The following UBE3C variants were observed in gnomAD, a reference collection of about 807,000 sequenced individuals.
The protein encoded by UBE3C is ubiquitin-protein ligase E3C.
A neutral mutation model predicts 129.4 loss-of-function variants in UBE3C; 42 were observed. The ratio of observed to expected loss-of-function variants is 0.32; its 90% CI spans 0.25 to 0.42. The LOEUF is 0.42. Among genes scored for constraint, UBE3C ranks in the 10% least tolerant of loss-of-function variants. The pLI, the probability that UBE3C is intolerant of heterozygous loss-of-function variation, is 1.00. For synonymous variants in UBE3C, 510 were observed against 492.4 expected, an observed-to-expected ratio of 1.04 and a Z score of -0.47; for missense variants, 1,049 against 1,319.1, an observed-to-expected ratio of 0.80 and a Z score of 3.17.
At chr7:157,146,512 C>T (rs912465356) in intron 1 of UBE3C, among the ~76,000 whole-genome samples, 2 of 152,122 alleles carry the variant, frequency 1.3e-5, no homozygotes, top group African/African-American at 2.4e-5. Context: ...TGAGCCCCTG[C>T]GTCCGGCCTT....
At chr7:157,256,711 T>G (rs1261324441) in intron 21 of UBE3C, 130 of 538,612 alleles carry the variant, frequency 2.4e-4, no homozygotes, top group Middle Eastern at 9.9e-4. Context: ...AGCCTCGGCA[T>G]GAGATGGGAT....
chr7:157,187,952 A>G (rs1455119780), intron 10 of UBE3C, among the ~76,000 whole-genome samples: 1 of 152,200 alleles, frequency 6.6e-6, no homozygotes, highest in Non-Finnish European at 1.5e-5. Context: ...AGCCTTTGAA[A>G]TAAACTTTTG....
intron 14 of UBE3C, among the ~76,000 whole-genome samples, 186 bp from the exon 15 acceptor site, chr7:157,220,503 G>T (rs997617731): frequency 9.2e-5 from 14 of 152,212 alleles, no homozygotes; most frequent in Non-Finnish European, 1.9e-4. Flanking sequence ...GTAAAAGTAT[G>T]AAAGGACAGC....
At chr7:157,188,496 G>C (rs1808869174) in intron 10 of UBE3C, among the ~76,000 whole-genome samples, 1 of 152,228 alleles carries the variant, frequency 6.6e-6, no homozygotes, top group Admixed American at 6.5e-5. Flanking sequence ...TGTGAGATCT[G>C]AGGATCGCAG....
chr7:157,265,791 A>C (rs940991084), intron 22 of UBE3C, among the ~76,000 whole-genome samples: 1 of 152,228 alleles, frequency 6.6e-6, no homozygotes, highest in African/African-American at 2.4e-5. Context: ...GTTGGTTGCC[A>C]GTGGGAATGG....
At chr7:157,181,071 T>C (rs2116920159) in intron 6 of UBE3C, among the ~76,000 whole-genome samples, 1 of 152,322 alleles carries the variant, frequency 6.6e-6, no homozygotes, top group East Asian at 1.9e-4. Context: ...AGACAAATTA[T>C]AAGATCACAA....
At chr7:157,184,801 G>C (rs1316770330) in intron 9 of UBE3C, among the ~76,000 whole-genome samples, 2 of 152,136 alleles carry the variant, frequency 1.3e-5, no homozygotes, top group Non-Finnish European at 2.9e-5. Context: ...GAATGAAAGA[G>C]ATCACAGCAA....
chr7:157,253,890 C>CT (rs1269150840), intron 19 of UBE3C, 64 bp from the exon 20 acceptor site: 2,877 of 1,249,752 alleles, frequency 2.3e-3, no homozygotes, highest in East Asian at 5.4e-3. Context: ...TTGTTTCTTG[C>CT]TTTTTTTTTT....
chr7:157,257,192 A>G (rs1347177399), intron 22 of UBE3C, 148 bp downstream of exon 22: 7 of 1,176,042 alleles, frequency 6.0e-6, no homozygotes, highest in Non-Finnish European at 8.1e-6. Context: ...GTTATGATGT[A>G]TATATTTTGG....
chr7:157,182,392 G>A, intron 8 of UBE3C, 64 bp downstream of exon 8: 1 of 1,526,570 alleles, frequency 6.6e-7, no homozygotes, highest in South Asian at 1.2e-5. Flanking sequence ...GATGAGTCAA[G>A]AGAAGGCCAT....
At chr7:157,140,951 G>A (rs55674407) in intron 1 of UBE3C, among the ~76,000 whole-genome samples, 2,465 of 152,348 alleles carry the variant, frequency 0.016, 57 homozygotes, top group African/African-American at 0.057. Flanking sequence ...TGAGGAGGAA[G>A]GGCGAGAGGG....
At chr7:157,175,158 T>TTTTTTTTTTTG (rs1586663618) in intron 5 of UBE3C, 124 bp downstream of exon 5, 2 of 591,814 alleles carry the variant, frequency 3.4e-6, no homozygotes, top group East Asian at 3.3e-5. Context: ...TTTTTTTTTT[T>TTTTTTTTTTTG]GAGGTCATGG....
chr7:157,178,678 TCA>T lies in UBE3C; in HGVS notation c.459-11_459-10del, dbSNP rs1303069660. 1.2e-6 allele frequency: 2 copies of T among 1,610,670 alleles called. No homozygotes were observed. The highest frequency in any genetic ancestry group is 2.7e-5 in the African/African-American group (2 of 75,000). ...TCCTGTAAGTGTGTGAATACTTTTT[TCA>T]TTTTTACAGGTTGCTGCAAAACTGT... On this transcript the variant is annotated splice_polypyrimidine_tract_variant and intron_variant, in intron 5 of 22. Transcript: ENST00000348165.
intron 19 of UBE3C, among the ~76,000 whole-genome samples, chr7:157,249,347 C>T (rs974506150): frequency 6.6e-6 from 1 of 151,592 alleles, no homozygotes; most frequent in Non-Finnish European, 1.5e-5. Flanking sequence ...TGGAGTTTCA[C>T]TCTTGTTGCC....
At chr7:157,159,965 C>G (rs1013064160) in intron 1 of UBE3C, among the ~76,000 whole-genome samples, 4 of 152,130 alleles carry the variant, frequency 2.6e-5, no homozygotes, top group African/African-American at 9.7e-5. Flanking sequence ...GTCTCGTATT[C>G]TTTTGTTGTG....
At chr7:157,158,796 G>C (rs1375032551) in intron 1 of UBE3C, among the ~76,000 whole-genome samples, 9 of 152,032 alleles carry the variant, frequency 5.9e-5, no homozygotes, top group African/African-American at 2.2e-4. Context: ...TAGAAGAAAT[G>C]CTTTAAAATC....
intron 19 of UBE3C, among the ~76,000 whole-genome samples, chr7:157,250,173 CTCAT>C (rs1796586633): frequency 6.6e-6 from 1 of 152,080 alleles, no homozygotes. Context: ...GGGTTGGGAG[CTCAT>C]ACACTGTTCT....
intron 13 of UBE3C, among the ~76,000 whole-genome samples, chr7:157,211,191 A>AGAGAGAGAGAGAGAGAGAGAGAGCGAGC (rs1481725592): frequency 6.6e-6 from 1 of 151,588 alleles, no homozygotes; most frequent in African/African-American, 2.4e-5. Flanking sequence ...AGAGAGAGAG[A>AGAGAGAGAGAGAGAGAGAGAGAGCGAGC]GAGCCATACT....
intron 10 of UBE3C, among the ~76,000 whole-genome samples, chr7:157,187,315 T>G (rs998287854): frequency 2.0e-5 from 3 of 152,148 alleles, no homozygotes; most frequent in African/African-American, 7.2e-5. Context: ...GACTCATACC[T>G]GCATTAGTGA....
Sources: allele counts gnomAD v4.1 joint callset (sites outside exome capture counted in the v4.1 genomes callset), GRCh38; gene constraint gnomAD v4.1.1; transcripts MANE v1.5; gene names NCBI Gene and HGNC (gene_info 2026-07-23, HGNC 2026-07-21).